Variants in SGCZ observed in about 807,000 individuals in gnomAD.
SGCZ encodes sarcoglycan zeta.
Under a neutral mutation model 41.3 loss-of-function variants are expected in SGCZ, and 40 were observed. The ratio of observed to expected loss-of-function variants is 0.97; its 90% CI spans 0.75 to 1.26. The LOEUF (loss-of-function observed/expected upper bound fraction) is 1.26, where lower values mean the gene tolerates loss of function less well. Among genes scored for constraint, SGCZ ranks in the 50% most tolerant of loss-of-function variants. The pLI is 0.00. For synonymous variants in SGCZ, 206 were observed against 137.5 expected, an observed-to-expected ratio of 1.50 and a Z score of -3.49; for missense variants, 552 against 369.8, an observed-to-expected ratio of 1.49 and a Z score of -4.04.
intron 1 of SGCZ, among the ~76,000 whole-genome samples, chr8:15,232,807 A>G (rs7831060): frequency 0.037 from 5,388 of 146,004 alleles, 219 homozygotes; most frequent in African/African-American, 0.079. Context: ...ATATATACAC[A>G]CATATATATA....
At position 14,213,967 on chromosome 8, in the gene SGCZ, C is replaced by T. The variant is rs149008490; in HGVS notation, c.424+23625G>A. 2.5e-3 allele frequency among the ~76,000 whole-genome samples: 383 copies of T among 152,130 alleles called. 2 individuals are homozygous for T. The highest frequency in any genetic ancestry group is 8.7e-3 in the African/African-American group (360 of 41,542). On this transcript the variant is annotated intron_variant, in intron 4 of 7. Transcript: ENST00000382080. ...CCCAGCTGCTTAATTAGGGCGTGTT[C>T]AACATGTTCATAGCAAGTTCAACAT...
At chr8:14,625,585 G>C (rs762332217) in intron 1 of SGCZ, among the ~76,000 whole-genome samples, 10 of 151,976 alleles carry the variant, frequency 6.6e-5, no homozygotes, top group African/African-American at 2.4e-4. Context: ...TTTTGTTGTT[G>C]TTGTTGTTTT....
chr8:15,050,073 G>T (rs1804458849), intron 1 of SGCZ, among the ~76,000 whole-genome samples: 1 of 152,116 alleles, frequency 6.6e-6, no homozygotes, highest in Admixed American at 6.6e-5. Flanking sequence ...TGTAAAGGGG[G>T]AGAATGTAGG....
At chr8:14,264,220 T>C (rs192600721) in intron 3 of SGCZ, among the ~76,000 whole-genome samples, 2 of 152,334 alleles carry the variant, frequency 1.3e-5, no homozygotes, top group African/African-American at 4.8e-5. Flanking sequence ...GAATGGCTAC[T>C]TAATCCATCC....
chr8:15,204,907 TA>T (rs922005820), intron 1 of SGCZ, among the ~76,000 whole-genome samples: 1 of 152,126 alleles, frequency 6.6e-6, no homozygotes, highest in Non-Finnish European at 1.5e-5. Context: ...TCACAGACAT[TA>T]AAAAACCAGT....
At position 14,554,111 on chromosome 8, in the gene SGCZ, C is replaced by A. The variant is rs138071600; in HGVS notation, c.234+621G>T. Among the ~76,000 whole-genome samples the A allele has an allele frequency of 3.3e-3, 496 of 152,106 alleles. 2 individuals are homozygous for A. The highest frequency in any genetic ancestry group is 0.011 in the African/African-American group (452 of 41,522). On this transcript the variant is annotated intron_variant, in intron 2 of 7. Transcript: ENST00000382080. ...CAGCAAACTTCATTAATACATTATA[C>A]AATCATTTTGTAATTAGTTACTTTT...
intron 1 of SGCZ, among the ~76,000 whole-genome samples, chr8:14,623,446 A>T (rs1279345865): frequency 6.6e-6 from 1 of 152,224 alleles, no homozygotes; most frequent in Non-Finnish European, 1.5e-5. Flanking sequence ...GAAGAGGCAG[A>T]CATCTCTGAC....
intron 1 of SGCZ, among the ~76,000 whole-genome samples, chr8:14,754,551 C>T (rs577461878): frequency 2.0e-4 from 30 of 152,186 alleles, no homozygotes; most frequent in African/African-American, 7.2e-4. Flanking sequence ...TATAGGAATC[C>T]AGAATAGTGG....
intron 2 of SGCZ, among the ~76,000 whole-genome samples, chr8:14,433,386 C>G (rs531715404): frequency 6.6e-6 from 1 of 152,168 alleles, no homozygotes. Context: ...GTAGGAACCA[C>G]CACAATGAAT....
chr8:15,034,833 C>A (rs1803815620), intron 1 of SGCZ, among the ~76,000 whole-genome samples: 1 of 152,106 alleles, frequency 6.6e-6, no homozygotes, highest in Non-Finnish European at 1.5e-5. Context: ...ACAAAACTGT[C>A]AACCAAGAAT....
intron 5 of SGCZ, among the ~76,000 whole-genome samples, chr8:14,146,733 G>A (rs988759805): frequency 5.2e-4 from 77 of 149,200 alleles, no homozygotes; most frequent in South Asian, 1.3e-3. Flanking sequence ...TTAGCCGGGC[G>A]TAGTGGCGGG....
intron 1 of SGCZ, among the ~76,000 whole-genome samples, chr8:14,579,176 A>T (rs1354111962): frequency 6.6e-6 from 1 of 152,188 alleles, no homozygotes; most frequent in Non-Finnish European, 1.5e-5. Context: ...TTTATACTCT[A>T]TTAGCTAAAA....
At chr8:15,015,282 G>C (rs2130932896) in intron 1 of SGCZ, among the ~76,000 whole-genome samples, 1 of 152,012 alleles carries the variant, frequency 6.6e-6, no homozygotes, top group East Asian at 1.9e-4. Context: ...GGGATAAAGT[G>C]TTTATAATTA....
chr8:14,375,107 T>TAGACAGAC (rs1449039264), intron 2 of SGCZ, among the ~76,000 whole-genome samples: 2 of 145,858 alleles, frequency 1.4e-5, no homozygotes, highest in African/African-American at 5.1e-5. Flanking sequence ...ATCAGATAGA[T>TAGACAGAC]AGATAGACAG....
At chr8:14,377,931 G>A (rs552883498) in intron 2 of SGCZ, among the ~76,000 whole-genome samples, 6 of 150,410 alleles carry the variant, frequency 4.0e-5, no homozygotes, top group South Asian at 2.1e-4. Flanking sequence ...GTCTATCATC[G>A]TTGGACATTA....
intron 1 of SGCZ, among the ~76,000 whole-genome samples, chr8:14,910,255 AT>A (rs1161533284): frequency 6.6e-6 from 1 of 152,054 alleles, no homozygotes; most frequent in African/African-American, 2.4e-5. Flanking sequence ...TTAAAACAGT[AT>A]TTCTCTAATT....
At chr8:14,572,939 T>C (rs761518123) in intron 1 of SGCZ, among the ~76,000 whole-genome samples, 1 of 152,192 alleles carries the variant, frequency 6.6e-6, no homozygotes, top group Non-Finnish European at 1.5e-5. Flanking sequence ...TAAATACCTA[T>C]ACATGCAAAG....
chr8:14,502,903 T>C (rs543100176), intron 2 of SGCZ, among the ~76,000 whole-genome samples: 1 of 152,228 alleles, frequency 6.6e-6, no homozygotes, highest in South Asian at 2.1e-4. Flanking sequence ...CTCAAGGATC[T>C]AGAACCAGAA....
At chr8:14,554,992 C>A in intron 1 of SGCZ, 66 bp from the exon 2 acceptor site, 1 of 1,416,548 alleles carries the variant, frequency 7.1e-7, no homozygotes, top group Non-Finnish European at 9.5e-7. Flanking sequence ...AAAATAAACC[C>A]ATGATTTTTT....
Sources: allele counts gnomAD v4.1 joint callset (sites outside exome capture counted in the v4.1 genomes callset), GRCh38; gene constraint gnomAD v4.1.1; transcripts MANE v1.5; gene names NCBI Gene and HGNC (gene_info 2026-07-23, HGNC 2026-07-21).